Variants in NPAP1 observed in about 807,000 individuals in gnomAD.
The protein encoded by NPAP1 is nuclear pore-associated protein 1.
For synonymous variants in NPAP1, 616 were observed against 581.4 expected (o/e 1.06, Z -0.86); for missense variants, 1,483 against 1,454.5 (o/e 1.02, Z -0.32).
rs373151318 is a variant in NPAP1 at position 24,678,107 on chromosome 15, G to C, written c.2240G>C (p.Ser747Thr). The change falls in exon 1 of 1, where the codon AGT (serine) becomes ACT (threonine). Residue 747 changes from serine (S) to threonine (T), a missense_variant. Ser to Thr is a moderately conservative substitution (Grantham distance 58). Transcript: ENST00000329468. ...ACTGCCTCAGTCCAAGGCTCCACCA[G>C]TTTGCCTGCACAGTCAGTCAGGGCA... Reference protein sequence around the residue: ...GNTASVQGSTSLPAQSVRAPA... With the variant: ...GNTASVQGSTTLPAQSVRAPA... 7 of 1,613,468 alleles carry C rather than the reference G, an allele frequency of 4.3e-6. No homozygotes were observed. The highest frequency in any genetic ancestry group is 5.1e-6 in the Non-Finnish European group (6 of 1,179,902).
the NPAP1 span, chr15:24,678,882 AC>A: frequency 6.2e-7 from 1 of 1,614,152 alleles, no homozygotes; most frequent in South Asian, 1.1e-5. Flanking sequence ...TTCCAGGCCC[AC>A]AAGTGATTAT....
rs936706135 is a variant in NPAP1 at position 24,679,778 on chromosome 15, C to T, written c.*440C>T. 5.3e-6 allele frequency: 1 copy of T among 187,190 alleles called. No individual in the cohort carries two copies. Among genetic ancestry groups the T allele is most frequent in the Non-Finnish European group, 1.3e-5 (1 of 79,658 alleles). The allele number at this position is 187,190 out of a possible 1,614,324, so 11.6% of individuals were successfully genotyped here. A position where few individuals can be genotyped will look rare whatever the true frequency, so the allele number is the denominator to read the frequency against. On this transcript the variant is annotated 3_prime_UTR_variant, in exon 1 of 1. Transcript: ENST00000329468. ...CATGCAATGAGGGACAGCAACACAA[C>T]GGCTGTGACTGGTTGTACTTTTGGT...
rs376234846 is a variant in NPAP1, at chr15:24,678,287, T to C, written c.2420T>C (p.Val807Ala). ...GTTCCTCCAGACACCTCCACTTTAGTGAGCAGTGCCTCTGCAGCATCGTTA... is the reference window on the plus strand; with the variant it reads ...GTTCCTCCAGACACCTCCACTTTAGCGAGCAGTGCCTCTGCAGCATCGTTA... ...IMVPPDTSTL[V>A]SSASAASLSK... The change falls in exon 1 of 1, where the codon GTG becomes GCG. Residue 807 changes from valine (V) to alanine (A), a missense_variant. Transcript: ENST00000329468. The C allele has an allele frequency of 6.2e-7, 1 of 1,614,126 alleles. No homozygotes were observed. Among genetic ancestry groups the C allele is most frequent in the Non-Finnish European group, 8.5e-7 (1 of 1,180,028 alleles).
rs1595614761 is a variant in NPAP1 at position 24,676,158 on chromosome 15, A to G, written c.291A>G (p.Thr97=). The change falls in exon 1 of 1, where the codon ACA becomes ACG. Residue 97 remains threonine (T), a synonymous_variant. Transcript: ENST00000329468. The part of the protein sequence containing the change: ...AVGWGLAIRK[T]PMLPARNPPR... Reference sequence around the variant, plus strand: ...GTTGGGGGCTGGCCATCAGGAAGACACCCATGCTGCCTGCTCGGAACCCCC... The same window carrying G: ...GTTGGGGGCTGGCCATCAGGAAGACGCCCATGCTGCCTGCTCGGAACCCCC... 6.3e-7 allele frequency: 1 copy of G among 1,576,822 alleles called. No homozygotes were observed. Among genetic ancestry groups the G allele is most frequent in the Non-Finnish European group, 8.6e-7 (1 of 1,163,808 alleles).
chr15:24,678,118 C>CAG, the NPAP1 span: 1 of 1,613,520 alleles, frequency 6.2e-7, no homozygotes, highest in Non-Finnish European at 8.5e-7. Context: ...TTTGCCTGCA[C>CAG]AGTCAGTCAG....
At position 24,676,870 on chromosome 15, in the gene NPAP1, C is replaced by T. The variant is rs1030726760; in HGVS notation, c.1003C>T (p.Leu335=). The change falls in exon 1 of 1, where the codon CTG becomes TTG. Residue 335 remains leucine (L), a synonymous_variant. Coordinates refer to ENST00000329468, the MANE Select transcript of NPAP1 (RefSeq NM_018958.3). Reference sequence around the variant, plus strand: ...CAAAAGGAAAATGTCGATTCCATTGCTGCTGCCGCTGCCCCCTTCACTGCC... The same window carrying T: ...CAAAAGGAAAATGTCGATTCCATTGTTGCTGCCGCTGCCCCCTTCACTGCC... ...PCKRKMSIPL[L]LPLPPSLPLL... 3.1e-6 allele frequency: 5 copies of T among 1,613,336 alleles called. No individual in the cohort carries two copies. The highest frequency in any genetic ancestry group is 1.3e-5 in the African/African-American group (1 of 75,034).
chr15:24,678,942 T>C lies in NPAP1; in HGVS notation c.3075T>C (p.Ser1025=). The part of the protein sequence containing the change: ...MDGGSIGFSM[S]APGPSSTSGE... Reference sequence around the variant, plus strand: ...GTGGGAGCATTGGGTTCAGCATGTCTGCCCCAGGCCCCAGTTCCACATCAG... The same window carrying C: ...GTGGGAGCATTGGGTTCAGCATGTCCGCCCCAGGCCCCAGTTCCACATCAG... Residue 1025 remains serine (S), a synonymous_variant, in exon 1 of 1, where the codon TCT becomes TCC. Coordinates refer to ENST00000329468, the MANE Select transcript of NPAP1 (RefSeq NM_018958.3). The C allele has an allele frequency of 6.2e-7, 1 of 1,614,168 alleles. No homozygotes were observed. Among genetic ancestry groups the C allele is most frequent in the Non-Finnish European group, 8.5e-7 (1 of 1,180,038 alleles).
Position 24,676,079 on chromosome 15 carries a change from C to T in NPAP1, c.212C>T (p.Pro71Leu), listed in dbSNP as rs531772049. The T allele has an allele frequency of 2.5e-6, 4 of 1,570,464 alleles. No individual in the cohort carries two copies. Among genetic ancestry groups the T allele is most frequent in the African/African-American group, 1.4e-5 (1 of 73,080 alleles). ...AGCATCTTCGTCGCCCCTAAGAGGCCGTGTCCTCTCCCTCGGGCTGCGGCC... is the reference window on the plus strand; with the variant it reads ...AGCATCTTCGTCGCCCCTAAGAGGCTGTGTCCTCTCCCTCGGGCTGCGGCC... ...AASIFVAPKRPCPLPRAAAAP... is the reference protein window; with the variant it reads ...AASIFVAPKRLCPLPRAAAAP... The change falls in exon 1 of 1, where the codon CCG becomes CTG. Residue 71 changes from proline (P) to leucine (L), a missense_variant. Coordinates refer to ENST00000329468, the MANE Select transcript of NPAP1 (RefSeq NM_018958.3).
rs144214831 is a variant in NPAP1, at chr15:24,678,218, C to T, written c.2351C>T (p.Thr784Ile). 48 of 1,613,300 alleles carry T rather than the reference C, an allele frequency of 3.0e-5. No homozygotes were observed. The African/African-American group carries it at 5.2e-4, about 18-fold the overall frequency. The part of the protein sequence containing the change: ...FGAPDGPQQK[T>I]SLPSAHDFLS... ...GCCCCTGATGGGCCGCAGCAGAAAACCTCTCTCCCCAGTGCCCATGATTTC... is the reference window on the plus strand; with the variant it reads ...GCCCCTGATGGGCCGCAGCAGAAAATCTCTCTCCCCAGTGCCCATGATTTC... The change falls in exon 1 of 1, where the codon ACC becomes ATC. Residue 784 changes from threonine to isoleucine, a missense_variant. Thr to Ile is a moderately conservative substitution (Grantham distance 89). Transcript: ENST00000329468.
chr15:24,679,388 A>C lies in NPAP1; in HGVS notation c.*50A>C. On this transcript the variant is annotated 3_prime_UTR_variant, in exon 1 of 1. Coordinates refer to ENST00000329468, the MANE Select transcript of NPAP1 (RefSeq NM_018958.3). ...CACCACATCAGTTGTGGTTGTAAAT[A>C]CCAGCATTATCCTTTTGTATGGTCA... 1 of 1,307,268 alleles carries C rather than the reference A, an allele frequency of 7.6e-7. No individual in the cohort carries two copies. The allele number at this position is 1,307,268 out of a possible 1,614,324, so 81.0% of individuals were successfully genotyped here. A position where few individuals can be genotyped will look rare whatever the true frequency, so the allele number is the denominator to read the frequency against.
rs1192858728 is a variant in NPAP1 at position 24,678,704 on chromosome 15, C to T, written c.2837C>T (p.Ala946Val). The T allele has an allele frequency of 6.2e-7, 1 of 1,614,026 alleles. No individual in the cohort carries two copies. Among genetic ancestry groups the T allele is most frequent in the Admixed American group, 1.7e-5 (1 of 60,010 alleles). The change falls in exon 1 of 1, where the codon GCA (alanine) becomes GTA (valine). Residue 946 changes from alanine (A) to valine (V), a missense_variant. By Grantham distance (64) the Ala-to-Val change is moderately conservative. Transcript: ENST00000329468. ...GGCAGCATAATTCCACCAGGTTTTGCAGAGTTAACATCACCATATACTGCA... is the reference window on the plus strand; with the variant it reads ...GGCAGCATAATTCCACCAGGTTTTGTAGAGTTAACATCACCATATACTGCA... ...LSGSIIPPGF[A>V]ELTSPYTALG...
In NPAP1 at chr15:24,678,193, G is replaced by A; in HGVS notation, c.2326G>A (p.Ala776Thr). ...AGCCACCCCTCAACCCAAATTTGGG[G>A]CCCCTGATGGGCCGCAGCAGAAAAC... Reference protein sequence around the residue: ...PGATPQPKFGAPDGPQQKTSL... With the variant: ...PGATPQPKFGTPDGPQQKTSL... Residue 776 changes from alanine to threonine, a missense_variant, in exon 1 of 1, where the codon GCC becomes ACC. By Grantham distance (58) the Ala-to-Thr change is moderately conservative. Coordinates refer to ENST00000329468, the MANE Select transcript of NPAP1 (RefSeq NM_018958.3). 1.2e-6 allele frequency: 2 copies of A among 1,612,790 alleles called. No individual in the cohort carries two copies. The highest frequency in any genetic ancestry group is 2.2e-5 in the East Asian group (1 of 44,772).
chr15:24,678,537 T>G lies in NPAP1; in HGVS notation c.2670T>G (p.Pro890=). 2 of 1,614,206 alleles carry G rather than the reference T, an allele frequency of 1.2e-6. No homozygotes were observed. Among genetic ancestry groups the G allele is most frequent in the Non-Finnish European group, 1.7e-6 (2 of 1,180,042 alleles). ...DRRPTTTSSH[P]LNTGSISHST... ...GACCAACCACAACTTCCAGCCATCC[T>G]TTAAATACAGGATCCATCTCTCATT... is the stretch of plus-strand genomic sequence containing the variant. Residue 890 remains proline (P), a synonymous_variant, in exon 1 of 1, where the codon CCT becomes CCG. Coordinates refer to ENST00000329468, the MANE Select transcript of NPAP1 (RefSeq NM_018958.3).
In NPAP1 at chr15:24,677,934, A is replaced by T. The variant is rs148836069; in HGVS notation, c.2067A>T (p.Ser689=). 1 of 1,609,958 alleles carries T rather than the reference A, an allele frequency of 6.2e-7. No homozygotes were observed. Among genetic ancestry groups the T allele is most frequent in the South Asian group, 1.1e-5 (1 of 90,908 alleles). The change falls in exon 1 of 1, where the codon TCA becomes TCT. Residue 689 remains serine, a synonymous_variant. Transcript: ENST00000329468. ...STLVNSASTA[S]SSKPPIETNA... is the part of the protein sequence containing the mutation. Reference sequence around the variant, plus strand: ...TAGTGAACAGTGCCTCTACAGCATCATCATCCAAACCTCCCATTGAAACCA... The same window carrying T: ...TAGTGAACAGTGCCTCTACAGCATCTTCATCCAAACCTCCCATTGAAACCA...
Position 24,676,244 on chromosome 15 carries a change from T to C in NPAP1, c.377T>C (p.Leu126Pro), listed in dbSNP as rs759204891. 15 of 1,522,708 alleles carry C rather than the reference T, an allele frequency of 9.9e-6. No homozygotes were observed. Among genetic ancestry groups the C allele is most frequent in the African/African-American group, 1.4e-5 (1 of 71,720 alleles). The allele number at this position is 1,522,708 out of a possible 1,614,324, so 94.3% of individuals were successfully genotyped here. ...CCTCCCAGCCGCATGTTCACTCTCC[T>C]GCTGCCTTCACCACGTGAGCCGGCG... is the stretch of plus-strand genomic sequence containing the variant. The part of the protein sequence containing the change: ...IPPPSRMFTL[L>P]LPSPREPAVK... The change falls in exon 1 of 1, where the codon CTG becomes CCG. Residue 126 changes from leucine (L) to proline (P), a missense_variant. Leu to Pro is a moderately conservative substitution (Grantham distance 98, BLOSUM62 -3). Transcript: ENST00000329468.
At position 24,681,697 on chromosome 15, in the gene NPAP1, T is replaced by C. The variant is rs1185741037; in HGVS notation, c.*2359T>C. The C allele has an allele frequency of 1.2e-5, 2 of 166,982 alleles. No individual in the cohort carries two copies. Among genetic ancestry groups the C allele is most frequent in the African/African-American group, 2.4e-5 (1 of 41,422 alleles). The allele number at this position is 166,982 out of a possible 1,614,324, so 10.3% of individuals were successfully genotyped here. A position where few individuals can be genotyped will look rare whatever the true frequency, so the allele number is the denominator to read the frequency against. On this transcript the variant is annotated 3_prime_UTR_variant, in exon 1 of 1. Coordinates refer to ENST00000329468, the MANE Select transcript of NPAP1 (RefSeq NM_018958.3). ...TTGGACTTCCTAACCTTTAGAATTG[T>C]AGAAAATAATTGAATGTTGTTTAAG...
In NPAP1 at chr15:24,675,955, C is replaced by T. The variant is rs558652902; in HGVS notation, c.88C>T (p.Arg30Trp). 32 of 1,591,250 alleles carry T rather than the reference C, an allele frequency of 2.0e-5. No homozygotes were observed. The highest frequency in any genetic ancestry group is 1.2e-4 in the East Asian group (5 of 43,304). Residue 30 changes from arginine (R) to tryptophan (W), a missense_variant, in exon 1 of 1, where the codon CGG (arginine) becomes TGG (tryptophan). Transcript: ENST00000329468. ...PGRGAPAPLS[R>W]DASPPGRAHS... is the part of the protein sequence containing the mutation. ...GCGTGGCGCCCCCGCTCCCCTGTCC[C>T]GGGACGCCTCCCCGCCCGGTCGGGC... is the stretch of plus-strand genomic sequence containing the variant.
rs1361200275 is a variant in NPAP1, at chr15:24,679,915, A to G, written c.*577A>G. 1.7e-5 allele frequency: 3 copies of G among 174,088 alleles called. No individual in the cohort carries two copies. The allele number at this position is 174,088 out of a possible 1,614,324, so 10.8% of individuals were successfully genotyped here. A position where few individuals can be genotyped will look rare whatever the true frequency, so the allele number is the denominator to read the frequency against. ...ACCTCTAGTCTCCCTTTCAGTAAAA[A>G]TACTATGGACCTGCCCAACCAAGGT... On this transcript the variant is annotated 3_prime_UTR_variant, in exon 1 of 1. Transcript: ENST00000329468.
chr15:24,675,873 C>T lies in NPAP1; in HGVS notation c.6C>T (p.Gly2=), dbSNP rs2141306820. 1.3e-6 allele frequency: 2 copies of T among 1,557,516 alleles called. No homozygotes were observed. Among genetic ancestry groups the T allele is most frequent in the Non-Finnish European group, 1.7e-6 (2 of 1,155,886 alleles). The part of the protein sequence containing the change: M[G]NLLSKFRPGC... Reference sequence around the variant, plus strand: ...GGAGGCACGGCTAGCTCTAAATGGGCAATTTACTTAGTAAATTTAGACCCG... The same window carrying T: ...GGAGGCACGGCTAGCTCTAAATGGGTAATTTACTTAGTAAATTTAGACCCG... The change falls in exon 1 of 1, where the codon GGC becomes GGT. Residue 2 remains glycine (G), a synonymous_variant. Coordinates refer to ENST00000329468, the MANE Select transcript of NPAP1 (RefSeq NM_018958.3).
Sources: gnomAD v4.1 joint callset for allele counts on GRCh38, gnomAD v4.1.1 for gene constraint, MANE v1.5 for transcripts, NCBI Gene and HGNC (gene_info 2026-07-23, HGNC 2026-07-21) for gene names.